GET1: variants seen among roughly 807,000 people sequenced by gnomAD.
The protein encoded by GET1 is guided entry of tail-anchored proteins factor 1, also known as congenital heart disease 5 protein.
A neutral mutation model predicts 22.6 loss-of-function variants in GET1; 20 were observed. The ratio of observed to expected loss-of-function variants is 0.89; its 90% CI spans 0.62 to 1.29. The LOEUF (loss-of-function observed/expected upper bound fraction) is 1.29, where lower values mean the gene tolerates loss of function less well. Among genes scored for constraint, GET1 ranks in the 50% most tolerant of loss-of-function variants. GET1 has a pLI of 0.00. For missense variants in GET1, 209 were observed against 219.9 expected, an observed-to-expected ratio of 0.95 and a Z score of 0.31; for synonymous variants, 92 against 83.8, an observed-to-expected ratio of 1.10 and a Z score of -0.53.
chr21:39,410,424 G>A (rs527303385), downstream of GET1: 3 of 894,704 alleles, frequency 3.4e-6, no homozygotes, highest in East Asian at 5.0e-5. Context: ...ATACAATATT[G>A]ATTTTAAACA....
intron 4 of GET1, among the ~76,000 whole-genome samples, chr21:39,403,307 C>T (rs921246767): frequency 6.6e-6 from 1 of 152,132 alleles, no homozygotes; most frequent in Non-Finnish European, 1.5e-5. Flanking sequence ...TAGTATTTAT[C>T]TCATCTTTGG....
At position 39,423,473 on chromosome 21, in the gene GET1, C is replaced by A. The variant is rs368931469; in HGVS notation, c.*24-4759C>A. ...GCATTCCAGGTGTGCTTTTTTTCAA[C>A]TGATATTTCCTTCTGGCCTGTGTAA... is the stretch of plus-strand genomic sequence containing the variant. On this transcript the variant is annotated intron_variant, in intron 1 of 1. Coordinates refer to the GET1 transcript ENST00000478273. The A allele has an allele frequency of 2.6e-6, 4 of 1,562,988 alleles. No individual in the cohort carries two copies. The African/African-American group carries it at 4.1e-5, about 16-fold the overall frequency.
chr21:39,426,128 TTCCC>T (rs2074659871), intron 1 of GET1: 1 of 152,220 alleles, frequency 6.6e-6, no homozygotes, highest in African/African-American at 2.4e-5. Flanking sequence ...TATTCCCTTA[TTCCC>T]CAAACGTGTC....
intron 1 of GET1, among the ~76,000 whole-genome samples, chr21:39,426,671 C>G (rs1219315529): frequency 6.6e-6 from 1 of 152,136 alleles, no homozygotes; most frequent in African/African-American, 2.4e-5. Context: ...GTTTTTGTTG[C>G]CAAATCAACT....
intron 1 of GET1, among the ~76,000 whole-genome samples, chr21:39,417,894 T>C (rs2041544036): frequency 6.6e-6 from 1 of 152,278 alleles, no homozygotes; most frequent in Non-Finnish European, 1.5e-5. Context: ...GCCTCCCAAG[T>C]AGCTGGGACT....
intron 1 of GET1, among the ~76,000 whole-genome samples, chr21:39,425,110 A>C (rs145197678): frequency 1.3e-5 from 2 of 152,356 alleles, no homozygotes; most frequent in Non-Finnish European, 2.9e-5. Flanking sequence ...GTATTCATAT[A>C]TCTAGATTCG....
downstream of GET1, chr21:39,410,824 C>A: frequency 2.1e-6 from 1 of 471,014 alleles, no homozygotes; most frequent in Non-Finnish European, 4.4e-6. Flanking sequence ...TCGGTTGATT[C>A]ATTGTCTCTA....
At chr21:39,387,881 G>A in intron 1 of GET1, 1 of 912,502 alleles carries the variant, frequency 1.1e-6, no homozygotes, top group Non-Finnish European at 1.3e-6. Context: ...GAGGGGGGGG[G>A]ATCTGATTTA....
chr21:39,400,379 T>G (rs1161223984), downstream of GET1, among the ~76,000 whole-genome samples: 1 of 152,226 alleles, frequency 6.6e-6, no homozygotes. Flanking sequence ...AAAGGTTATT[T>G]CAGTGATGAC....
At chr21:39,426,861 C>G (rs921140108) in intron 1 of GET1, among the ~76,000 whole-genome samples, 4 of 152,148 alleles carry the variant, frequency 2.6e-5, no homozygotes, top group African/African-American at 9.7e-5. Flanking sequence ...AGGTAGGACC[C>G]CCAGCTCTCT....
At position 39,396,796 on chromosome 21, in the gene GET1, A is replaced by G. The variant is rs184753869; in HGVS notation, c.452-70A>G. On this transcript the variant is annotated intron_variant, in intron 4 of 4. Coordinates refer to ENST00000649170, the MANE Select transcript of GET1 (RefSeq NM_004627.6). ...GGAAATACTCTCTTTGCTGTGAGTTAAAGACAGCAGAGACAGATGGGGGCA... is the reference window on the plus strand; with the variant it reads ...GGAAATACTCTCTTTGCTGTGAGTTGAAGACAGCAGAGACAGATGGGGGCA... 7.1e-6 allele frequency: 10 copies of G among 1,404,008 alleles called. No homozygotes were observed. The East Asian group carries it at 2.3e-4, about 32-fold the overall frequency. 87.0% of individuals were successfully genotyped at this position (1,404,008 alleles called of 1,614,324 possible). A position where few individuals can be genotyped will look rare whatever the true frequency, so the allele number is the denominator to read the frequency against.
At chr21:39,381,094 C>T (rs2037529043) in intron 1 of GET1, among the ~76,000 whole-genome samples, 1 of 152,132 alleles carries the variant, frequency 6.6e-6, no homozygotes, top group Non-Finnish European at 1.5e-5. Flanking sequence ...CCTCCTTTAC[C>T]TCCCGGAGGA....
At chr21:39,400,963 T>C (rs963234863), downstream of GET1, among the ~76,000 whole-genome samples, 1 of 151,462 alleles carries the variant, frequency 6.6e-6, no homozygotes, top group Admixed American at 6.6e-5. Context: ...CAGGCTGGAG[T>C]GCAGTGACAT....
chr21:39,419,961 T>A (rs943875251), intron 1 of GET1, among the ~76,000 whole-genome samples: 3 of 152,216 alleles, frequency 2.0e-5, no homozygotes, highest in Non-Finnish European at 2.9e-5. Context: ...TAAGTAAAAC[T>A]AAGATAAATT....
At chr21:39,410,199 G>T (rs961238762), downstream of GET1, 200 of 1,249,640 alleles carry the variant, frequency 1.6e-4, 3 homozygotes, top group South Asian at 2.4e-3. Flanking sequence ...TAGAACAAGT[G>T]ACTGTAGCCT....
At chr21:39,392,278 C>T (rs1040598996) in intron 3 of GET1, among the ~76,000 whole-genome samples, 18 of 152,204 alleles carry the variant, frequency 1.2e-4, no homozygotes, top group Non-Finnish European at 2.4e-4. Flanking sequence ...GGCTTCTAGC[C>T]TCCCTGCCTG....
exon 5 of GET1, chr21:39,406,446 ATT>A: frequency 6.2e-7 from 1 of 1,613,940 alleles, no homozygotes; most frequent in Non-Finnish European, 8.5e-7. Flanking sequence ...CATCTTCTTG[ATT>A]GCTTTCTCTT....
At chr21:39,428,373 TC>T (rs977411825) in exon 2 of GET1, 2 of 1,613,524 alleles carry the variant, frequency 1.2e-6, no homozygotes, top group Non-Finnish European at 1.7e-6. Context: ...GCATTACTGT[TC>T]CGTGAAAAAT....
In GET1 at chr21:39,391,947, G is replaced by T. The variant is rs543636675; in HGVS notation, c.336+111G>T. On this transcript the variant is annotated intron_variant, in intron 3 of 4. Transcript: ENST00000649170. Reference sequence around the variant, plus strand: ...TCGGGCTGTTCCACCTTCAGCTGTCGTGTCGTGTGTCCCTGCCCACATGGA... The same window carrying T: ...TCGGGCTGTTCCACCTTCAGCTGTCTTGTCGTGTGTCCCTGCCCACATGGA... The T allele has an allele frequency of 8.5e-5, 84 of 982,514 alleles. No homozygotes were observed. In the Admixed American group the frequency reaches 1.5e-3, roughly 17 times the overall value. The allele number at this position is 982,514 out of a possible 1,614,324, so 60.9% of individuals were successfully genotyped here. A position where few individuals can be genotyped will look rare whatever the true frequency, so the allele number is the denominator to read the frequency against.
Sources: allele counts gnomAD v4.1 joint callset (sites outside exome capture counted in the v4.1 genomes callset), GRCh38; gene constraint gnomAD v4.1.1; transcripts MANE v1.5; gene names NCBI Gene and HGNC (gene_info 2026-07-23, HGNC 2026-07-21).